Variants in KLF8 observed in about 807,000 individuals in gnomAD.
KLF8 encodes KLF transcription factor 8.
KLF8 carries 10 observed loss-of-function variants against 18.2 expected under a neutral mutation model. The ratio of observed to expected loss-of-function variants is 0.55; its 90% CI spans 0.34 to 0.93. KLF8 has a LOEUF of 0.93. Among genes scored for constraint, KLF8 ranks in the 40% least tolerant of loss-of-function variants. The pLI, the probability that KLF8 is intolerant of heterozygous loss-of-function variation, is 0.02. For missense variants in KLF8, 264 were observed against 277.9 expected (o/e 0.95, Z 0.36); for synonymous variants, 109 against 97.3 (o/e 1.12, Z -0.71).
At chrX:56,056,184 A>T in the KLF8 span, among the ~76,000 whole-genome samples, 1 of 110,852 alleles carries the variant, frequency 9.0e-6, no homozygotes, top group Non-Finnish European at 1.9e-5. Flanking sequence ...TCTCATCTTT[A>T]TGGGCTTATG....
the KLF8 span, among the ~76,000 whole-genome samples, chrX:56,089,671 G>T: frequency 8.9e-6 from 1 of 112,355 alleles, no homozygotes; most frequent in Non-Finnish European, 1.9e-5. Flanking sequence ...GTTTACTAGA[G>T]TGGATGCCTG....
the KLF8 span, among the ~76,000 whole-genome samples, chrX:56,084,227 T>A: frequency 1.1e-4 from 12 of 110,267 alleles, no homozygotes; most frequent in East Asian, 2.9e-4. Context: ...TAAAATTTTT[T>A]AAAAAAATGG....
chrX:56,165,702 A>C, the KLF8 span, among the ~76,000 whole-genome samples: 1 of 111,344 alleles, frequency 9.0e-6, no homozygotes, highest in East Asian at 2.8e-4. Flanking sequence ...TCATTCAAGA[A>C]AAAAATAAAT....
chrX:56,165,965 A>T, the KLF8 span, among the ~76,000 whole-genome samples: 1 of 111,495 alleles, frequency 9.0e-6, no homozygotes, highest in Non-Finnish European at 1.9e-5. Context: ...GAATTTGTCA[A>T]AATCTTAACT....
the KLF8 span, among the ~76,000 whole-genome samples, chrX:55,963,009 A>G: frequency 8.9e-6 from 1 of 112,376 alleles, no homozygotes; most frequent in Non-Finnish European, 1.9e-5. Context: ...CTGACATTAC[A>G]GCAAGGAAAA....
the KLF8 span, among the ~76,000 whole-genome samples, chrX:56,217,799 A>G: frequency 2.7e-5 from 3 of 111,579 alleles, no homozygotes; most frequent in Non-Finnish European, 5.6e-5. Context: ...GACAGGCAGA[A>G]CGCTGAAATG....
At chrX:56,122,630 G>T in the KLF8 span, among the ~76,000 whole-genome samples, 3 of 110,732 alleles carry the variant, frequency 2.7e-5, no homozygotes, top group Non-Finnish European at 5.7e-5. Context: ...AAAAATTGAG[G>T]TTTATTATTG....
chrX:56,156,881 A>G, the KLF8 span, among the ~76,000 whole-genome samples: 1 of 108,137 alleles, frequency 9.2e-6, no homozygotes, highest in Non-Finnish European at 1.9e-5. Flanking sequence ...CCATAACCCT[A>G]CAAATGACAT....
the KLF8 span, among the ~76,000 whole-genome samples, chrX:56,158,948 C>T: frequency 2.7e-5 from 3 of 111,763 alleles, no homozygotes; most frequent in Admixed American, 2.9e-4. Context: ...TGAGAGAGGG[C>T]ATCCCTGTCT....
At chrX:56,282,006 A>G (rs2067208130) in intron 5 of KLF8, among the ~76,000 whole-genome samples, 1 of 112,573 alleles carries the variant, frequency 8.9e-6, no homozygotes, top group Non-Finnish European at 1.9e-5. Context: ...ATTTTCCTCA[A>G]TTGGTTGAGG....
At chrX:56,108,188 G>T in the KLF8 span, among the ~76,000 whole-genome samples, 326 of 111,399 alleles carry the variant, frequency 2.9e-3, no homozygotes, top group African/African-American at 0.01. Context: ...TAATGACAAT[G>T]CATTTTTTTT....
the KLF8 span, among the ~76,000 whole-genome samples, chrX:56,149,970 A>C: frequency 9.8e-5 from 11 of 111,861 alleles, no homozygotes; most frequent in Non-Finnish European, 1.3e-4. Context: ...TGAGTACTTC[A>C]TGTAATTCAA....
the KLF8 span, among the ~76,000 whole-genome samples, chrX:55,988,420 G>A: frequency 8.9e-6 from 1 of 111,850 alleles, no homozygotes; most frequent in Admixed American, 9.4e-5. Context: ...TTCTACATAT[G>A]GCTAGCCAGT....
At chrX:55,983,911 A>G in the KLF8 span, among the ~76,000 whole-genome samples, 1 of 109,978 alleles carries the variant, frequency 9.1e-6, no homozygotes, top group Non-Finnish European at 1.9e-5. Context: ...TACACTTGGG[A>G]TAATGGTTTC....
the KLF8 span, among the ~76,000 whole-genome samples, chrX:55,993,532 A>C: frequency 8.9e-6 from 1 of 111,886 alleles, no homozygotes; most frequent in African/African-American, 3.3e-5. Context: ...TTTCGCATGT[A>C]TGTTTATCAG....
chrX:56,050,215 C>T, the KLF8 span, among the ~76,000 whole-genome samples: 3 of 111,390 alleles, frequency 2.7e-5, no homozygotes, highest in South Asian at 7.7e-4. Context: ...TTTCAAAAAA[C>T]CAGCTCCTGG....
chrX:56,020,156 T>C, the KLF8 span, among the ~76,000 whole-genome samples: 7 of 110,417 alleles, frequency 6.3e-5, no homozygotes, highest in African/African-American at 2.3e-4. Flanking sequence ...ATGAAAGGAG[T>C]TCTAAAACAG....
chrX:56,031,561 C>T, the KLF8 span, among the ~76,000 whole-genome samples: 1 of 111,708 alleles, frequency 9.0e-6, no homozygotes, highest in Non-Finnish European at 1.9e-5. Context: ...GGCGTTCCAC[C>T]GGGCCAATTG....
chrX:56,275,011 T>C (rs985892998), intron 5 of KLF8, among the ~76,000 whole-genome samples: 31 of 111,970 alleles, frequency 2.8e-4, no homozygotes, highest in African/African-American at 9.1e-4. Flanking sequence ...ATGTAAATTT[T>C]GGGGTTTTTT....
Sources: allele counts gnomAD v4.1 joint callset (sites outside exome capture counted in the v4.1 genomes callset), GRCh38; gene constraint gnomAD v4.1.1; transcripts MANE v1.5; gene names NCBI Gene and HGNC (gene_info 2026-07-23, HGNC 2026-07-21).